Variants in AGPAT3 observed in about 807,000 individuals in gnomAD.
The protein encoded by AGPAT3 is 1-acylglycerol-3-phosphate O-acyltransferase 3, also known as 1-acyl-sn-glycerol-3-phosphate acyltransferase gamma.
In AGPAT3, 5 loss-of-function variants were observed where a neutral mutation model predicts 47.3. That is an observed-to-expected ratio of 0.11 (90% CI 0.06 to 0.22). The LOEUF (loss-of-function observed/expected upper bound fraction) is 0.22. Among genes scored for constraint, AGPAT3 ranks in the 10% least tolerant of loss-of-function variants. The pLI, the probability that AGPAT3 is intolerant of heterozygous loss-of-function variation, is 1.00. For missense variants in AGPAT3, 315 were observed against 493.0 expected, an observed-to-expected ratio of 0.64 and a Z score of 3.42; for synonymous variants, 212 against 208.3, an observed-to-expected ratio of 1.02 and a Z score of -0.15.
At chr21:43,935,702 A>G (rs2087422954) in intron 2 of AGPAT3, among the ~76,000 whole-genome samples, 1 of 151,552 alleles carries the variant, frequency 6.6e-6, no homozygotes, top group South Asian at 2.1e-4. Flanking sequence ...CGACTCTCCC[A>G]GGAAGGGATT....
Position 43,922,388 on chromosome 21 carries a change from C to A in AGPAT3, c.-49+18369C>A, listed in dbSNP as rs2086919292. Among the ~76,000 whole-genome samples, 1 of 151,976 alleles carries A rather than the reference C, an allele frequency of 6.6e-6. No homozygotes were observed. The highest frequency in any genetic ancestry group is 2.4e-5 in the African/African-American group (1 of 41,344). ...GACGCTGGGCCGAGCCAGGCAGGGA[C>A]CTGCTTCAGTCCTCGAAGGAGGCTG... On this transcript the variant is annotated intron_variant, in intron 2 of 9. Coordinates refer to ENST00000291572, the MANE Select transcript of AGPAT3 (RefSeq NM_020132.5). This position sits in a 1 kb window ranked among gnomAD's most constrained non-coding sequence, Gnocchi z 4.9.
chr21:43,945,002 C>A (rs2087822162), intron 2 of AGPAT3, among the ~76,000 whole-genome samples: 1 of 152,224 alleles, frequency 6.6e-6, no homozygotes, highest in South Asian at 2.1e-4. Flanking sequence ...GGATTGACGC[C>A]AGCAAGTCGG....
At chr21:43,957,134 C>G (rs774505045) in intron 2 of AGPAT3, among the ~76,000 whole-genome samples, 1 of 152,104 alleles carries the variant, frequency 6.6e-6, no homozygotes, top group African/African-American at 2.4e-5. Context: ...GGGAGTGACA[C>G]TGGCATCTGT....
intron 1 of AGPAT3, among the ~76,000 whole-genome samples, chr21:43,874,686 T>G (rs1467897503): frequency 1.3e-5 from 2 of 152,334 alleles, no homozygotes; most frequent in South Asian, 4.1e-4. Flanking sequence ...CTGGCTGCTT[T>G]TATAGTCTCT....
chr21:43,974,853 A>G (rs936687828), intron 7 of AGPAT3, among the ~76,000 whole-genome samples: 1 of 152,184 alleles, frequency 6.6e-6, no homozygotes, highest in African/African-American at 2.4e-5. Context: ...GTTGTTCCTC[A>G]CATGGCGTCT....
At position 43,939,329 on chromosome 21, in the gene AGPAT3, C is replaced by T. The variant is rs566446049; in HGVS notation, c.-48-20305C>T. On this transcript the variant is annotated intron_variant, in intron 2 of 9. Transcript: ENST00000291572. This position sits in a 1 kb window ranked among gnomAD's most constrained non-coding sequence, Gnocchi z 4.4. ...ACCCCACCCCCGTCGCTGTTGTTGT[C>T]GGGGGCCTCCCGCGCCCCAGGAGGT... 1.3e-5 allele frequency among the ~76,000 whole-genome samples: 2 copies of T among 152,244 alleles called. No homozygotes were observed. The highest frequency in any genetic ancestry group is 2.9e-5 in the Non-Finnish European group (2 of 68,006).
chr21:43,975,415 G>A (rs1402456174), intron 7 of AGPAT3, among the ~76,000 whole-genome samples: 1 of 152,002 alleles, frequency 6.6e-6, no homozygotes, highest in African/African-American at 2.4e-5. Context: ...GTGGGTGCTG[G>A]TGTATGACGC....
At chr21:43,884,173 T>G (rs2096854) in intron 1 of AGPAT3, among the ~76,000 whole-genome samples, 152,151 of 152,154 alleles carry the variant, frequency 1, 76,074 homozygotes, top group Middle Eastern at 1. Context: ...TAGTCCCCAG[T>G]GCTGGAGGCC....
In AGPAT3 at chr21:43,880,064, T is replaced by G. The variant is rs2085823880; in HGVS notation, c.-112+14719T>G. On this transcript the variant is annotated intron_variant, in intron 1 of 9. Coordinates refer to ENST00000291572, the MANE Select transcript of AGPAT3 (RefSeq NM_020132.5). The surrounding 1 kb of genome is among the most constrained non-coding windows in gnomAD (Gnocchi z 4.5). ...CCGGGGCGGAGGACGCAGCCCTGCA[T>G]CCCTTGCGTCCCCAGGCATCTTAGG... Among the ~76,000 whole-genome samples, 1 of 152,238 alleles carries G rather than the reference T, an allele frequency of 6.6e-6. No homozygotes were observed. Among genetic ancestry groups the G allele is most frequent in the Non-Finnish European group, 1.5e-5 (1 of 68,038 alleles).
intron 7 of AGPAT3, 93 bp from the exon 8 acceptor site, chr21:43,977,953 C>A: frequency 1.0e-6 from 1 of 979,600 alleles, no homozygotes; most frequent in Non-Finnish European, 1.6e-6. Flanking sequence ...GGCCCATAGG[C>A]CACCCTGGCA....
At chr21:43,891,254 C>G (rs1349032480) in intron 1 of AGPAT3, among the ~76,000 whole-genome samples, 1 of 152,218 alleles carries the variant, frequency 6.6e-6, no homozygotes, top group African/African-American at 2.4e-5. Flanking sequence ...CACTCTGGAT[C>G]TTTGTTGTTA....
rs2089668842 is a variant in AGPAT3, at chr21:43,977,651, G to A, written c.768-395G>A. Among the ~76,000 whole-genome samples the A allele has an allele frequency of 3.9e-5, 6 of 152,350 alleles. No individual in the cohort carries two copies. The South Asian group carries it at 1.2e-3, about 32-fold the overall frequency. ...CCAGCACTTTGGGAGGCTGAGGCGG[G>A]TGGATCACGAGGTCAAGAGATCGAG... On this transcript the variant is annotated intron_variant, in intron 7 of 9. Coordinates refer to ENST00000291572, the MANE Select transcript of AGPAT3 (RefSeq NM_020132.5).
At chr21:43,969,910 G>C (rs1181156180) in intron 5 of AGPAT3, among the ~76,000 whole-genome samples, 2 of 152,000 alleles carry the variant, frequency 1.3e-5, no homozygotes, top group Non-Finnish European at 2.9e-5. Context: ...TGTTGGCCAG[G>C]CTGGTCTCAA....
chr21:43,968,909 G>A (rs2089272594), intron 4 of AGPAT3, among the ~76,000 whole-genome samples: 2 of 152,056 alleles, frequency 1.3e-5, no homozygotes, highest in Admixed American at 1.3e-4. Flanking sequence ...GGCCCTCCCA[G>A]CCAAGCCTGA....
intron 7 of AGPAT3, among the ~76,000 whole-genome samples, chr21:43,973,019 G>A (rs1339446574): frequency 1.3e-5 from 2 of 152,228 alleles, no homozygotes; most frequent in East Asian, 3.8e-4. Flanking sequence ...AATCTCGAGA[G>A]CCTGAGCATG....
chr21:43,972,445 C>T (rs1292709557), intron 7 of AGPAT3, among the ~76,000 whole-genome samples: 4 of 152,158 alleles, frequency 2.6e-5, no homozygotes, highest in Admixed American at 6.5e-5. Flanking sequence ...CACGTTGGGC[C>T]GAAGAGCCTT....
At chr21:43,901,542 G>A (rs2086358078) in intron 1 of AGPAT3, among the ~76,000 whole-genome samples, 1 of 152,164 alleles carries the variant, frequency 6.6e-6, no homozygotes, top group Admixed American at 6.5e-5. Context: ...CAGCACTTCT[G>A]GAGGCTGAGA....
At chr21:43,879,347 C>CAAA (rs34630760) in intron 1 of AGPAT3, among the ~76,000 whole-genome samples, 3 of 71,662 alleles carry the variant, frequency 4.2e-5, no homozygotes, top group Non-Finnish European at 8.0e-5. Context: ...GACTCTATCT[C>CAAA]AAAAAAAAAA....
At chr21:43,911,053 C>A (rs568705150) in intron 2 of AGPAT3, among the ~76,000 whole-genome samples, 2 of 152,208 alleles carry the variant, frequency 1.3e-5, no homozygotes, top group Non-Finnish European at 2.9e-5. Flanking sequence ...TGTGGTTTAT[C>A]CTTCTAGAGT....
Sources: gnomAD v4.1 joint callset for allele counts (sites outside exome capture counted in the v4.1 genomes callset) on GRCh38, gnomAD v4.1.1 for gene constraint, Gnocchi (gnomAD v3.1) non-coding constraint, MANE v1.5 for transcripts, NCBI Gene and HGNC (gene_info 2026-07-23, HGNC 2026-07-21) for gene names.